Variants in IL34 observed in about 807,000 individuals in gnomAD.
IL34 encodes interleukin 34.
IL34 carries 17 observed loss-of-function variants against 25.3 expected under a neutral mutation model. That is an observed-to-expected ratio of 0.67 (90% CI 0.46 to 1.01). The LOEUF (loss-of-function observed/expected upper bound fraction) is 1.01. IL34 is among the 50% of genes least tolerant of loss of function. The pLI is 0.00. For synonymous variants in IL34, 174 were observed against 140.9 expected, an observed-to-expected ratio of 1.23 and a Z score of -1.66; for missense variants, 368 against 312.9, an observed-to-expected ratio of 1.18 and a Z score of -1.33.
intron 1 of IL34, among the ~76,000 whole-genome samples, chr16:70,612,676 G>A (rs1053442111): frequency 1.3e-5 from 2 of 152,212 alleles, no homozygotes; most frequent in African/African-American, 2.4e-5. Flanking sequence ...AAGTGAGTTG[G>A]AAAAACGCAC....
At position 70,656,646 on chromosome 16, in the gene IL34, G is replaced by A; in HGVS notation, c.207G>A (p.Glu69=). Residue 69 remains glutamate (E), a synonymous_variant, in exon 3 of 6, where the codon GAG becomes GAA. Coordinates refer to ENST00000288098, the MANE Select transcript of IL34 (RefSeq NM_001393494.1). ...PINYKISVPY[E]GVFRIANVTR... is the part of the protein sequence containing the mutation. Reference sequence around the variant, plus strand: ...ACTACAAGATCAGTGTGCCTTACGAGGGGGTGTTCAGAATCGCCAACGTCA... The same window carrying A: ...ACTACAAGATCAGTGTGCCTTACGAAGGGGTGTTCAGAATCGCCAACGTCA... 1 of 1,470,676 alleles carries A rather than the reference G, an allele frequency of 6.8e-7. No individual in the cohort carries two copies. Among genetic ancestry groups the A allele is most frequent in the Non-Finnish European group, 9.5e-7 (1 of 1,048,970 alleles). The allele number at this position is 1,470,676 out of a possible 1,614,324, so 91.1% of individuals were successfully genotyped here.
chr16:70,585,522 C>T (rs2050682754), intron 1 of IL34, among the ~76,000 whole-genome samples: 1 of 151,842 alleles, frequency 6.6e-6, no homozygotes, highest in African/African-American at 2.4e-5. Context: ...CTTGTCTCTA[C>T]TAAAAATACA....
At chr16:70,646,045 A>C (rs1421271846), upstream of IL34, among the ~76,000 whole-genome samples, 1 of 151,364 alleles carries the variant, frequency 6.6e-6, no homozygotes, top group African/African-American at 2.4e-5. Flanking sequence ...AGAGTCTGAG[A>C]CTCCGTCTCA....
At chr16:70,638,523 ACT>A (rs2051708805) in intron 1 of IL34, among the ~76,000 whole-genome samples, 1 of 149,454 alleles carries the variant, frequency 6.7e-6, no homozygotes, top group Non-Finnish European at 1.5e-5. Context: ...TGACCCCCCC[ACT>A]CTCTCTCTGG....
rs142890682 is a variant in IL34 at position 70,654,558 on chromosome 16, G to A, written c.49G>A (p.Val17Met). 3.8e-4 allele frequency: 608 copies of A among 1,612,454 alleles called. 2 individuals are homozygous for A. The highest frequency in any genetic ancestry group is 5.2e-4 in the Admixed American group (31 of 59,890). Reference sequence around the variant, plus strand: ...CACAGATCTTGGGATCTTCCTTGGCGTGGCCTTGGGGAATGAGCCTTTGGA... The same window carrying A: ...CACAGATCTTGGGATCTTCCTTGGCATGGCCTTGGGGAATGAGCCTTTGGA... ...WLRYLGIFLG[V>M]ALGNEPLEMW... Residue 17 changes from valine (V) to methionine (M), a missense_variant, in exon 2 of 6, where the codon GTG becomes ATG. Coordinates refer to ENST00000288098, the MANE Select transcript of IL34 (RefSeq NM_001393494.1).
At chr16:70,637,516 T>A (rs1228349159) in intron 1 of IL34, among the ~76,000 whole-genome samples, 4 of 136,178 alleles carry the variant, frequency 2.9e-5, no homozygotes, top group Non-Finnish European at 6.7e-5. Flanking sequence ...CGGCTAATTT[T>A]ATATTTTAGT....
At chr16:70,585,791 C>G (rs146076748) in intron 1 of IL34, among the ~76,000 whole-genome samples, 35 of 151,264 alleles carry the variant, frequency 2.3e-4, no homozygotes, top group Non-Finnish European at 3.5e-4. Context: ...TTCAGCCTCC[C>G]AAAGTGCTGG....
chr16:70,618,583 G>A (rs895251451), intron 1 of IL34, among the ~76,000 whole-genome samples: 2 of 152,194 alleles, frequency 1.3e-5, no homozygotes, highest in African/African-American at 4.8e-5. Context: ...AGACATGAGG[G>A]CTAGGCTAAA....
chr16:70,638,586 A>G lies in IL34; in HGVS notation c.-400-7962A>G, dbSNP rs574360104. 2.0e-4 allele frequency among the ~76,000 whole-genome samples: 31 copies of G among 151,632 alleles called. No homozygotes were observed. The South Asian group carries it at 5.6e-3, about 28-fold the overall frequency. ...TCCCAATATCTGCATATGCTTTCCC[A>G]TGATATTTTATACTTATTTATTATT... On this transcript the variant is annotated intron_variant, in intron 1 of 6. Coordinates refer to the IL34 transcript ENST00000429149.
chr16:70,621,311 G>A (rs2051276977), intron 1 of IL34, among the ~76,000 whole-genome samples: 1 of 152,160 alleles, frequency 6.6e-6, no homozygotes, highest in African/African-American at 2.4e-5. Flanking sequence ...TGGCACCGGA[G>A]TTTTGGGTCC....
chr16:70,659,341 C>T (rs1008453579), intron 4 of IL34, among the ~76,000 whole-genome samples: 1 of 152,196 alleles, frequency 6.6e-6, no homozygotes, highest in African/African-American at 2.4e-5. Context: ...GCAGTTTGCC[C>T]CACTTTCCTC....
Position 70,632,708 on chromosome 16 carries a change from A to G in IL34, c.-400-13840A>G, listed in dbSNP as rs116495891. 5.5e-3 allele frequency among the ~76,000 whole-genome samples: 842 copies of G among 152,158 alleles called. 3 individuals carry two copies. Among genetic ancestry groups the G allele is most frequent in the African/African-American group, 0.019 (781 of 41,518 alleles). ...GGTATTTTTGCTGTGGGCAGAAGGGACAGTTTTTTTGTGACAGATGAGCAA... is the reference window on the plus strand; with the variant it reads ...GGTATTTTTGCTGTGGGCAGAAGGGGCAGTTTTTTTGTGACAGATGAGCAA... On this transcript the variant is annotated intron_variant, in intron 1 of 6. Transcript: ENST00000429149.
chr16:70,655,508 C>G (rs964787788), intron 2 of IL34, among the ~76,000 whole-genome samples: 1 of 152,102 alleles, frequency 6.6e-6, no homozygotes, highest in Non-Finnish European at 1.5e-5. Flanking sequence ...CCACCTCAGC[C>G]TCCCAAGTAG....
chr16:70,650,607 G>A (rs1444813878), intron 1 of IL34, among the ~76,000 whole-genome samples: 1 of 152,210 alleles, frequency 6.6e-6, no homozygotes, highest in Non-Finnish European at 1.5e-5. Flanking sequence ...TTTTTTTAAA[G>A]AAAAGCTGAA....
intron 1 of IL34, among the ~76,000 whole-genome samples, chr16:70,652,266 G>A (rs1027548683): frequency 2.0e-5 from 3 of 152,108 alleles, no homozygotes; most frequent in East Asian, 1.9e-4. Flanking sequence ...AACCAGCCTG[G>A]GCAAAACAGC....
intron 1 of IL34, among the ~76,000 whole-genome samples, chr16:70,605,982 T>TG (rs1211113681): frequency 6.6e-6 from 1 of 151,372 alleles, no homozygotes; most frequent in East Asian, 1.9e-4. Context: ...TTTTTTTTTT[T>TG]TTTTTTTTTT....
chr16:70,600,254 A>G (rs1466150231), intron 1 of IL34, among the ~76,000 whole-genome samples: 2 of 152,110 alleles, frequency 1.3e-5, no homozygotes, highest in East Asian at 1.9e-4. Context: ...CTGCTTGACC[A>G]CCTTGGTCAA....
At chr16:70,624,167 C>T (rs988525907) in intron 1 of IL34, among the ~76,000 whole-genome samples, 7 of 151,992 alleles carry the variant, frequency 4.6e-5, no homozygotes, top group Non-Finnish European at 2.9e-5. Context: ...GGGTCCCACA[C>T]AGATGGGACG....
rs536346905 is a variant in IL34, at chr16:70,583,332, C to T, written c.-401+3283C>T. On this transcript the variant is annotated intron_variant, in intron 1 of 6. Transcript: ENST00000429149. ...TTCTCCATGTTGCCCAGGCTGCTGA[C>T]CTCAACAGATTCACCTGCCTCAGCC... 2.0e-5 allele frequency among the ~76,000 whole-genome samples: 3 copies of T among 151,994 alleles called. No individual in the cohort carries two copies. In the South Asian group the frequency reaches 6.2e-4, roughly 32 times the overall value.
Sources: allele counts gnomAD v4.1 joint callset (sites outside exome capture counted in the v4.1 genomes callset), GRCh38; gene constraint gnomAD v4.1.1; transcripts MANE v1.5; gene names NCBI Gene and HGNC (gene_info 2026-07-23, HGNC 2026-07-21).